The following GRAMD4 variants were observed in gnomAD, a reference collection of about 807,000 sequenced individuals.
The protein encoded by GRAMD4 is GRAM domain-containing protein 4.
In GRAMD4, 25 loss-of-function variants were observed where a neutral mutation model predicts 83.9. The observed-to-expected ratio is 0.30, with a 90% CI of 0.22 to 0.42. The LOEUF (loss-of-function observed/expected upper bound fraction) is 0.42, where lower values mean the gene tolerates loss of function less well. Among genes scored for constraint, GRAMD4 ranks in the 10% least tolerant of loss-of-function variants. The pLI, the probability that GRAMD4 is intolerant of heterozygous loss-of-function variation, is 1.00. For synonymous variants in GRAMD4, 336 were observed against 320.9 expected (o/e 1.05, Z -0.50); for missense variants, 593 against 788.7 (o/e 0.75, Z 2.97).
intron 14 of GRAMD4, among the ~76,000 whole-genome samples, chr22:46,673,440 G>A (rs940006039): frequency 6.6e-5 from 10 of 152,240 alleles, no homozygotes; most frequent in East Asian, 1.9e-4. Context: ...AGCAGGCCTC[G>A]GTGCTCCCTT....
At chr22:46,603,201 G>GTTTTTTTT (rs569545888) in intron 1 of GRAMD4, among the ~76,000 whole-genome samples, 7 of 89,414 alleles carry the variant, frequency 7.8e-5, no homozygotes, top group African/African-American at 2.4e-4. Context: ...ATCTTCTCTT[G>GTTTTTTTT]TTTTTTTTTT....
chr22:46,597,546 G>A lies in GRAMD4; in HGVS notation c.-50+20256G>A, dbSNP rs867889653. Among the ~76,000 whole-genome samples, 204 of 152,232 alleles carry A rather than the reference G, an allele frequency of 1.3e-3. 5 individuals carry two copies. The highest frequency in any genetic ancestry group is 6.8e-3 in the Middle Eastern group (2 of 294). On this transcript the variant is annotated intron_variant, in intron 1 of 1. Coordinates refer to the GRAMD4 transcript ENST00000431155. ...GCTCTGTCGCCCAGGCTGGAGTGCA[G>A]TGGCGCGATCCCGGCTCACTGCAAG...
At chr22:46,680,539 C>T (rs575923270), downstream of GRAMD4, among the ~76,000 whole-genome samples, 3 of 151,620 alleles carry the variant, frequency 2.0e-5, no homozygotes, top group South Asian at 6.3e-4. Context: ...CATTCATCCA[C>T]ATCTGTCCGT....
At chr22:46,667,171 G>T (rs1039180616) in intron 10 of GRAMD4, among the ~76,000 whole-genome samples, 1 of 152,256 alleles carries the variant, frequency 6.6e-6, no homozygotes, top group Non-Finnish European at 1.5e-5. Flanking sequence ...GGGGGACATT[G>T]AGGGGCTGCT....
chr22:46,597,057 TC>T (rs1453909760), intron 1 of GRAMD4, among the ~76,000 whole-genome samples: 3 of 152,126 alleles, frequency 2.0e-5, no homozygotes, highest in Non-Finnish European at 4.4e-5. Flanking sequence ...ACGCCTGCTT[TC>T]GATAAGTCCT....
At chr22:46,612,567 G>T (rs1372560488) in intron 1 of GRAMD4, among the ~76,000 whole-genome samples, 2 of 152,244 alleles carry the variant, frequency 1.3e-5, no homozygotes, top group African/African-American at 2.4e-5. Context: ...GCCCAAGCTG[G>T]TGTAAGCCTG....
chr22:46,617,845 G>A (rs539450317), upstream of GRAMD4, among the ~76,000 whole-genome samples: 169 of 152,320 alleles, frequency 1.1e-3, no homozygotes, highest in Middle Eastern at 3.4e-3. Flanking sequence ...CCTGACCCTC[G>A]TATGACTCAA....
intron 2 of GRAMD4, among the ~76,000 whole-genome samples, chr22:46,630,160 G>T (rs1014699420): frequency 6.6e-6 from 1 of 151,994 alleles, no homozygotes; most frequent in African/African-American, 2.4e-5. Flanking sequence ...AAGTAGCTGG[G>T]ATTACAGGCA....
chr22:46,606,745 T>C (rs1004398632), intron 1 of GRAMD4, among the ~76,000 whole-genome samples: 30 of 152,394 alleles, frequency 2.0e-4, no homozygotes, highest in Middle Eastern at 3.4e-3. Flanking sequence ...GTGCTGAGCA[T>C]CTCTGCGTGG....
chr22:46,616,444 G>C (rs1400975335), upstream of GRAMD4, among the ~76,000 whole-genome samples: 3 of 129,420 alleles, frequency 2.3e-5, no homozygotes, highest in Non-Finnish European at 3.3e-5. Flanking sequence ...GTTCCCCTGT[G>C]CGTGTAGGTT....
intron 1 of GRAMD4, among the ~76,000 whole-genome samples, chr22:46,604,261 A>G (rs1214811549): frequency 6.6e-6 from 1 of 152,094 alleles, no homozygotes; most frequent in Non-Finnish European, 1.5e-5. Flanking sequence ...TTTTCCCTAT[A>G]AACCTTAGAT....
chr22:46,634,731 A>G (rs975052877), intron 2 of GRAMD4, among the ~76,000 whole-genome samples: 2 of 152,232 alleles, frequency 1.3e-5, no homozygotes, highest in Non-Finnish European at 2.9e-5. Context: ...ACCTGAGGCT[A>G]GGAGTTCAAG....
chr22:46,649,062 C>T (rs1325208107), intron 3 of GRAMD4, among the ~76,000 whole-genome samples: 1 of 152,220 alleles, frequency 6.6e-6, no homozygotes, highest in Non-Finnish European at 1.5e-5. Flanking sequence ...CCTTACTGGC[C>T]ACCTTCCAGA....
intron 3 of GRAMD4, among the ~76,000 whole-genome samples, chr22:46,648,246 A>T (rs1038575787): frequency 4.0e-5 from 6 of 150,082 alleles, no homozygotes; most frequent in Admixed American, 4.0e-4. Context: ...GAGTAGGCAA[A>T]CGAATAGGTA....
chr22:46,643,273 A>G (rs536089358), intron 3 of GRAMD4, among the ~76,000 whole-genome samples: 1 of 151,288 alleles, frequency 6.6e-6, no homozygotes, highest in Admixed American at 6.6e-5. Context: ...CCATCCGTCC[A>G]TCCATCTATC....
intron 1 of GRAMD4, among the ~76,000 whole-genome samples, chr22:46,596,260 A>T (rs2081261234): frequency 6.6e-6 from 1 of 152,214 alleles, no homozygotes; most frequent in Non-Finnish European, 1.5e-5. Flanking sequence ...CTGGAGTCTT[A>T]ACTGGTGAAA....
chr22:46,675,402 C>T (rs1489979381), intron 16 of GRAMD4, 66 bp from the exon 17 acceptor site: 3 of 1,092,018 alleles, frequency 2.7e-6, no homozygotes, highest in African/African-American at 3.1e-5. Flanking sequence ...CCCGGGAGAC[C>T]CCCACCTGGT....
At chr22:46,643,155 C>CCATG (rs2082007431) in intron 3 of GRAMD4, among the ~76,000 whole-genome samples, 3 of 14,178 alleles carry the variant, frequency 2.1e-4, no homozygotes, top group South Asian at 4.5e-3. Flanking sequence ...ATCCATCCAT[C>CCATG]CATCCATCCA....
intron 1 of GRAMD4, among the ~76,000 whole-genome samples, chr22:46,609,501 G>A (rs2081397267): frequency 6.6e-6 from 1 of 152,228 alleles, no homozygotes. Flanking sequence ...CTCTTTTCAC[G>A]GGAGGAGCTA....
Sources: gnomAD v4.1 joint callset for allele counts (sites outside exome capture counted in the v4.1 genomes callset) on GRCh38, gnomAD v4.1.1 for gene constraint, MANE v1.5 for transcripts, NCBI Gene and HGNC (gene_info 2026-07-23, HGNC 2026-07-21) for gene names.